FYN: variants seen among roughly 807,000 people sequenced by gnomAD.
The protein encoded by FYN is tyrosine-protein kinase Fyn.
FYN carries 10 observed loss-of-function variants against 70.2 expected under a neutral mutation model. The ratio of observed to expected loss-of-function variants is 0.14; its 90% CI spans 0.09 to 0.24. The LOEUF (loss-of-function observed/expected upper bound fraction) is 0.24, where lower values mean the gene tolerates loss of function less well. FYN is among the 10% of genes least tolerant of loss of function. FYN has a pLI of 1.00. For synonymous variants in FYN, 236 were observed against 248.6 expected (o/e 0.95, Z 0.48); for missense variants, 319 against 673.1 (o/e 0.47, Z 5.82).
chr6:111,804,178 C>T lies in FYN; in HGVS notation c.-81-23543G>A, dbSNP rs1485001789. ...ATTTAAAGGCAGGAAGAGACATCAT[C>T]GTTCTGAAAATATACGAGGGCCATG... is the stretch of plus-strand genomic sequence containing the variant. On this transcript the variant is annotated intron_variant, in intron 2 of 13. Coordinates refer to ENST00000354650, the MANE Select transcript of FYN (RefSeq NM_002037.5). 3.9e-5 allele frequency among the ~76,000 whole-genome samples: 6 copies of T among 152,194 alleles called. No individual in the cohort carries two copies. The East Asian group carries it at 5.8e-4, about 15-fold the overall frequency.
At chr6:111,846,028 C>T (rs1413395127) in intron 2 of FYN, among the ~76,000 whole-genome samples, 1 of 152,200 alleles carries the variant, frequency 6.6e-6, no homozygotes, top group Non-Finnish European at 1.5e-5. Context: ...ACTTGTCAGT[C>T]ACATTCACTT....
chr6:111,669,238 C>T (rs892573420), intron 13 of FYN, among the ~76,000 whole-genome samples: 4 of 151,972 alleles, frequency 2.6e-5, no homozygotes, highest in African/African-American at 9.7e-5. Flanking sequence ...AGTTTGAGAC[C>T]AGCCTGGCCA....
chr6:111,868,319 C>T (rs9487741), intron 1 of FYN, among the ~76,000 whole-genome samples: 6,683 of 152,158 alleles, frequency 0.044, 486 homozygotes, highest in African/African-American at 0.15. Flanking sequence ...AAATAGAATA[C>T]GCAATGAATG....
intron 2 of FYN, among the ~76,000 whole-genome samples, chr6:111,827,142 G>C (rs1772861467): frequency 6.6e-6 from 1 of 152,144 alleles, no homozygotes; most frequent in Non-Finnish European, 1.5e-5. Context: ...GAGAGAAGAA[G>C]CTGTAACATT....
intron 12 of FYN, among the ~76,000 whole-genome samples, chr6:111,692,105 C>T (rs867465468): frequency 2.7e-5 from 4 of 146,924 alleles, no homozygotes; most frequent in African/African-American, 7.4e-5. Context: ...TTCATTTCCC[C>T]CCCCCCCAGT....
chr6:111,820,966 A>G (rs1463149064), intron 2 of FYN, among the ~76,000 whole-genome samples: 2 of 152,194 alleles, frequency 1.3e-5, no homozygotes, highest in African/African-American at 2.4e-5. Context: ...TCCAGGGGTT[A>G]ACCATGACTA....
At chr6:111,718,031 G>A (rs1185010582) in intron 4 of FYN, among the ~76,000 whole-genome samples, 5 of 152,230 alleles carry the variant, frequency 3.3e-5, no homozygotes, top group Admixed American at 3.3e-4. Flanking sequence ...GTGCCCGTAA[G>A]GTCATGCCTA....
intron 3 of FYN, among the ~76,000 whole-genome samples, chr6:111,752,257 C>G (rs1391584243): frequency 1.3e-5 from 2 of 152,232 alleles, no homozygotes; most frequent in Non-Finnish European, 2.9e-5. Context: ...ATCTATCCAT[C>G]TACCCATGAT....
chr6:111,676,057 T>C (rs976243077), intron 12 of FYN, among the ~76,000 whole-genome samples: 2 of 152,156 alleles, frequency 1.3e-5, no homozygotes, highest in Non-Finnish European at 2.9e-5. Flanking sequence ...GAACATTTCA[T>C]AGAATCTTCT....
chr6:111,768,287 G>A (rs1172898045), intron 3 of FYN, among the ~76,000 whole-genome samples: 1 of 152,184 alleles, frequency 6.6e-6, no homozygotes, highest in Non-Finnish European at 1.5e-5. Flanking sequence ...TAGGAACAAT[G>A]CCCAGCACTG....
intron 3 of FYN, among the ~76,000 whole-genome samples, chr6:111,764,598 G>A (rs1803154613): frequency 6.6e-6 from 1 of 152,184 alleles, no homozygotes; most frequent in Admixed American, 6.5e-5. Context: ...CTCTGATTTA[G>A]TAGAATAAGA....
chr6:111,843,811 T>C (rs1279268752), intron 2 of FYN, among the ~76,000 whole-genome samples: 1 of 152,160 alleles, frequency 6.6e-6, no homozygotes, highest in African/African-American at 2.4e-5. Context: ...AGACAGTCAC[T>C]GCACAGATAA....
intron 3 of FYN, among the ~76,000 whole-genome samples, chr6:111,739,220 G>A (rs1021366960): frequency 6.6e-6 from 1 of 152,266 alleles, no homozygotes; most frequent in Non-Finnish European, 1.5e-5. Context: ...TTCGGCACCA[G>A]CAGTGCACGG....
intron 1 of FYN, among the ~76,000 whole-genome samples, chr6:111,862,424 A>C (rs939342540): frequency 6.6e-6 from 1 of 152,190 alleles, no homozygotes; most frequent in Non-Finnish European, 1.5e-5. Context: ...TAGGGAGTAA[A>C]TCTTGTGCCA....
chr6:111,707,571 AGAGG>A (rs1194508396), intron 6 of FYN, among the ~76,000 whole-genome samples: 6 of 152,174 alleles, frequency 3.9e-5, no homozygotes, highest in African/African-American at 1.4e-4. Flanking sequence ...TCTTCCCAAC[AGAGG>A]GAGTGGACTG....
At chr6:111,805,490 C>T (rs1463487640) in intron 2 of FYN, among the ~76,000 whole-genome samples, 1 of 152,164 alleles carries the variant, frequency 6.6e-6, no homozygotes, top group African/African-American at 2.4e-5. Flanking sequence ...TGTTGTTGGT[C>T]TTAGGTACCA....
At chr6:111,715,797 T>C (rs1168694534) in intron 4 of FYN, among the ~76,000 whole-genome samples, 1 of 152,184 alleles carries the variant, frequency 6.6e-6, no homozygotes, top group Non-Finnish European at 1.5e-5. Context: ...GAACTGACCA[T>C]TCGCAGATTC....
intron 2 of FYN, among the ~76,000 whole-genome samples, chr6:111,790,103 G>A (rs1771556264): frequency 6.6e-6 from 1 of 152,014 alleles, no homozygotes; most frequent in African/African-American, 2.4e-5. Flanking sequence ...GTGTGTGTGT[G>A]TGTGTGTCCA....
At chr6:111,757,525 A>C (rs955392169) in intron 3 of FYN, among the ~76,000 whole-genome samples, 5 of 152,204 alleles carry the variant, frequency 3.3e-5, no homozygotes, top group Non-Finnish European at 7.3e-5. Context: ...AGGCCTCTGC[A>C]AATCAAACTC....
Sources: gnomAD v4.1 joint callset for allele counts (sites outside exome capture counted in the v4.1 genomes callset) on GRCh38, gnomAD v4.1.1 for gene constraint, MANE v1.5 for transcripts, NCBI Gene and HGNC (gene_info 2026-07-23, HGNC 2026-07-21) for gene names.